ANKLE2: variants seen among roughly 807,000 people sequenced by gnomAD.
ANKLE2 encodes the protein ankyrin repeat and LEM domain-containing protein 2.
A neutral mutation model predicts 84.2 loss-of-function variants in ANKLE2; 55 were observed. The ratio of observed to expected loss-of-function variants is 0.65; its 90% CI spans 0.53 to 0.82. The LOEUF is 0.82. Ranked by LOEUF, ANKLE2 falls within the 40% of genes least tolerant of loss-of-function variation. The pLI, the probability that ANKLE2 is intolerant of heterozygous loss-of-function variation, is 0.00. For missense variants in ANKLE2, 1,238 were observed against 1,201.9 expected, an observed-to-expected ratio of 1.03 and a Z score of -0.44; for synonymous variants, 551 against 486.1, an observed-to-expected ratio of 1.13 and a Z score of -1.76.
intron 5 of ANKLE2, among the ~76,000 whole-genome samples, chr12:132,744,615 T>C (rs1334588572): frequency 2.0e-5 from 3 of 152,174 alleles, no homozygotes; most frequent in Non-Finnish European, 2.9e-5. Flanking sequence ...ACCACCACGC[T>C]ACCTGTACTC....
chr12:132,739,007 G>A (rs1302969619), intron 7 of ANKLE2: 1 of 152,152 alleles, frequency 6.6e-6, no homozygotes, highest in Non-Finnish European at 1.5e-5. Flanking sequence ...ACTGACACAG[G>A]CAAGAAAACC....
At chr12:132,745,880 C>T (rs751161670) in intron 5 of ANKLE2, among the ~76,000 whole-genome samples, 6 of 152,226 alleles carry the variant, frequency 3.9e-5, no homozygotes, top group Non-Finnish European at 8.8e-5. Context: ...ATAGTCCTGC[C>T]CATCCACAAG....
At chr12:132,738,497 C>G (rs2044058139) in intron 7 of ANKLE2, 1 of 151,370 alleles carries the variant, frequency 6.6e-6, no homozygotes, top group African/African-American at 2.4e-5. Context: ...CTGGGAATTT[C>G]TTATGTTAAA....
chr12:132,730,596 G>T, intron 10 of ANKLE2: 1 of 328,426 alleles, frequency 3.0e-6, no homozygotes. Context: ...GCCATGGCAG[G>T]GGGGTCGCTG....
At chr12:132,735,102 A>T in intron 9 of ANKLE2, 1 of 372,720 alleles carries the variant, frequency 2.7e-6, no homozygotes. Flanking sequence ...AGGAATCCAT[A>T]GCATTATATG....
At chr12:132,761,521 C>A in intron 1 of ANKLE2, 97 bp downstream of exon 1, 1 of 1,050,924 alleles carries the variant, frequency 9.5e-7, no homozygotes, top group East Asian at 3.7e-5. Context: ...CAACTGCTGC[C>A]GGCTCCAGGG....
Position 132,743,096 on chromosome 12 carries a change from A to G in ANKLE2, c.1353+58T>C. On this transcript the variant is annotated intron_variant, in intron 6 of 12. Coordinates refer to ENST00000357997, the MANE Select transcript of ANKLE2 (RefSeq NM_015114.3). This position sits in a 1 kb window ranked among gnomAD's most constrained non-coding sequence, Gnocchi z 4.1. ...CCTGTGCCTGTGATCACAGACTGTA[A>G]ATTTATATATTTCCATTTCTAACTC... The G allele has an allele frequency of 6.7e-7, 1 of 1,503,508 alleles. No homozygotes were observed. Among genetic ancestry groups the G allele is most frequent in the African/African-American group, 1.4e-5 (1 of 71,280 alleles). The allele number at this position is 1,503,508 out of a possible 1,614,324, so 93.1% of individuals were successfully genotyped here.
At chr12:132,729,135 G>A (rs1324498791) in intron 11 of ANKLE2, among the ~76,000 whole-genome samples, 3 of 151,384 alleles carry the variant, frequency 2.0e-5, no homozygotes, top group Non-Finnish European at 4.4e-5. Context: ...GGTGGATCAC[G>A]AGGTCAGGAG....
intron 11 of ANKLE2, 98 bp from the exon 12 acceptor site, chr12:132,728,261 GCT>G: frequency 6.8e-7 from 1 of 1,461,150 alleles, no homozygotes; most frequent in Non-Finnish European, 9.3e-7. Flanking sequence ...ACGGAGTCTT[GCT>G]CTGTCGCCCA....
chr12:132,757,775 A>C (rs1261959304), intron 1 of ANKLE2: 1 of 152,208 alleles, frequency 6.6e-6, no homozygotes, highest in East Asian at 1.9e-4. Context: ...GTGAGCAGAG[A>C]TGGCGGCACT....
At chr12:132,747,694 A>G in intron 5 of ANKLE2, 138 bp downstream of exon 5, 1 of 1,080,810 alleles carries the variant, frequency 9.3e-7, no homozygotes, top group East Asian at 2.8e-5. Flanking sequence ...GTAAGAAGGC[A>G]GGTTGCAGGG....
chr12:132,750,219 A>G (rs911798186), intron 3 of ANKLE2, among the ~76,000 whole-genome samples: 2 of 150,248 alleles, frequency 1.3e-5, no homozygotes, highest in East Asian at 1.9e-4. Flanking sequence ...AAAAAAAAAA[A>G]AAAAAGAAAA....
Position 132,727,224 on chromosome 12 carries a change from G to T in ANKLE2, c.*18C>A. The T allele has an allele frequency of 1.3e-6, 2 of 1,525,132 alleles. No individual in the cohort carries two copies. Among genetic ancestry groups the T allele is most frequent in the South Asian group, 2.4e-5 (2 of 82,576 alleles). The allele number at this position is 1,525,132 out of a possible 1,614,324, so 94.5% of individuals were successfully genotyped here. A position where few individuals can be genotyped will look rare whatever the true frequency, so the allele number is the denominator to read the frequency against. On this transcript the variant is annotated 3_prime_UTR_variant, in exon 13 of 13. Coordinates refer to ENST00000357997, the MANE Select transcript of ANKLE2 (RefSeq NM_015114.3). ...CTTCTTTAAAAATGAAGAACAAACC[G>T]AGAGCCCAGCGCCAAGCCTACAGGG...
chr12:132,739,672 C>CT (rs2044083054), intron 7 of ANKLE2, among the ~76,000 whole-genome samples: 1 of 152,240 alleles, frequency 6.6e-6, no homozygotes, highest in Non-Finnish European at 1.5e-5. Context: ...TCTCATAACA[C>CT]TTTAGAGTCC....
At chr12:132,739,576 T>C (rs998395966) in intron 7 of ANKLE2, among the ~76,000 whole-genome samples, 1 of 152,200 alleles carries the variant, frequency 6.6e-6, no homozygotes, top group African/African-American at 2.4e-5. Context: ...GCATATTGAT[T>C]TGAGTCCCTT....
chr12:132,744,782 G>A lies in ANKLE2; in HGVS notation c.1231-1506C>T, dbSNP rs1031093677. 5.3e-5 allele frequency among the ~76,000 whole-genome samples: 8 copies of A among 152,088 alleles called. No individual in the cohort carries two copies. The East Asian group carries it at 5.8e-4, about 11-fold the overall frequency. ...TGCAAGCTCCGCCTCCCGGGTTCAC[G>A]CCATTCTCCTGCCTCAGCCTCCCCA... is the stretch of plus-strand genomic sequence containing the variant. On this transcript the variant is annotated intron_variant, in intron 5 of 12. Coordinates refer to ENST00000357997, the MANE Select transcript of ANKLE2 (RefSeq NM_015114.3).
intron 8 of ANKLE2, among the ~76,000 whole-genome samples, chr12:132,736,080 T>C (rs1182321998): frequency 6.6e-6 from 1 of 152,124 alleles, no homozygotes; most frequent in African/African-American, 2.4e-5. Context: ...GCCTCCCGAG[T>C]AGCTGGGACT....
intron 2 of ANKLE2, among the ~76,000 whole-genome samples, chr12:132,752,123 C>T (rs2136170939): frequency 6.6e-6 from 1 of 152,010 alleles, no homozygotes; most frequent in East Asian, 2.0e-4. Flanking sequence ...GGTGGATCAC[C>T]TGACGTTGAG....
chr12:132,727,942 C>CACTG, intron 12 of ANKLE2, 90 bp downstream of exon 12: 1 of 1,508,908 alleles, frequency 6.6e-7, no homozygotes, highest in African/African-American at 1.4e-5. Flanking sequence ...TGGGAAAAGC[C>CACTG]ACTGATAGGT....
Sources: gnomAD v4.1 joint callset for allele counts (sites outside exome capture counted in the v4.1 genomes callset) on GRCh38, gnomAD v4.1.1 for gene constraint, Gnocchi (gnomAD v3.1) non-coding constraint, MANE v1.5 for transcripts, NCBI Gene and HGNC (gene_info 2026-07-23, HGNC 2026-07-21) for gene names.